GRID2: variants seen among roughly 807,000 people sequenced by gnomAD.
GRID2 encodes the protein glutamate receptor ionotropic, delta-2.
Under a neutral mutation model 114.8 loss-of-function variants are expected in GRID2, and 33 were observed. That is an observed-to-expected ratio of 0.29 (90% CI 0.22 to 0.38). The LOEUF (loss-of-function observed/expected upper bound fraction) is 0.38. Among genes scored for constraint, GRID2 ranks in the 10% least tolerant of loss-of-function variants. The probability of loss-of-function intolerance (pLI) is 1.00; values close to 1 mark genes in which losing one functional copy is unlikely to be tolerated. For synonymous variants in GRID2, 505 were observed against 449.9 expected (o/e 1.12, Z -1.55); for missense variants, 1,184 against 1,257.7 (o/e 0.94, Z 0.89).
chr4:93,305,940 G>A (rs997637921), intron 8 of GRID2, among the ~76,000 whole-genome samples: 3 of 152,000 alleles, frequency 2.0e-5, no homozygotes, highest in Admixed American at 1.3e-4. Context: ...AAATCCTCAC[G>A]CTTCCCCATC....
At chr4:93,355,960 T>A (rs1348840737) in intron 8 of GRID2, among the ~76,000 whole-genome samples, 1 of 152,052 alleles carries the variant, frequency 6.6e-6, no homozygotes, top group Non-Finnish European at 1.5e-5. Flanking sequence ...CCTCATTAAT[T>A]ATTACCCAGA....
At chr4:93,231,639 G>A (rs1192479195) in intron 7 of GRID2, among the ~76,000 whole-genome samples, 1 of 152,120 alleles carries the variant, frequency 6.6e-6, no homozygotes, top group Non-Finnish European at 1.5e-5. Flanking sequence ...CTTTCTAGGG[G>A]CAGCATGAAT....
intron 1 of GRID2, among the ~76,000 whole-genome samples, chr4:92,526,595 C>T (rs1560689594): frequency 1.3e-5 from 2 of 152,066 alleles, no homozygotes; most frequent in South Asian, 4.1e-4. Context: ...CCACTTACCT[C>T]AGCTTCCCAA....
intron 2 of GRID2, among the ~76,000 whole-genome samples, chr4:92,749,515 A>G (rs975873315): frequency 1.3e-5 from 2 of 151,430 alleles, no homozygotes; most frequent in Admixed American, 6.6e-5. Context: ...GGGTTTCACT[A>G]TGTTGGCCAA....
At chr4:93,543,710 T>TAGAGATAGAGAGAGAGAGAGAGAGAG (rs1732888386) in intron 13 of GRID2, among the ~76,000 whole-genome samples, 1 of 133,494 alleles carries the variant, frequency 7.5e-6, no homozygotes, top group African/African-American at 2.9e-5. Flanking sequence ...GAGTGAGAGA[T>TAGAGATAGAGAGAGAGAGAGAGAGAG]AGAGAGAGAG....
chr4:92,710,345 T>C (rs1413003026), intron 2 of GRID2, among the ~76,000 whole-genome samples: 1 of 152,192 alleles, frequency 6.6e-6, no homozygotes, highest in Non-Finnish European at 1.5e-5. Context: ...GAATCTTATT[T>C]TGATTATTTA....
intron 14 of GRID2, among the ~76,000 whole-genome samples, chr4:93,757,103 T>C (rs1732814870): frequency 6.6e-6 from 1 of 152,202 alleles, no homozygotes; most frequent in African/African-American, 2.4e-5. Context: ...GAATGCCCTC[T>C]TGTCATTCAC....
chr4:92,850,339 G>A (rs1232091112), intron 2 of GRID2, among the ~76,000 whole-genome samples: 1 of 151,586 alleles, frequency 6.6e-6, no homozygotes, highest in Non-Finnish European at 1.5e-5. Context: ...ATAAAAATAT[G>A]CATTGTTTCA....
chr4:92,714,328 A>C (rs1287471141), intron 2 of GRID2, among the ~76,000 whole-genome samples: 1 of 152,184 alleles, frequency 6.6e-6, no homozygotes, highest in Non-Finnish European at 1.5e-5. Flanking sequence ...CTGTGTCTTC[A>C]CATGGTACAG....
At chr4:93,336,687 A>G (rs1171561131) in intron 8 of GRID2, among the ~76,000 whole-genome samples, 1 of 152,152 alleles carries the variant, frequency 6.6e-6, no homozygotes. Context: ...ATTTTGCCTC[A>G]TTCTAAATAG....
intron 11 of GRID2, among the ~76,000 whole-genome samples, chr4:93,484,931 T>G (rs1726236625): frequency 1.3e-5 from 2 of 151,894 alleles, no homozygotes; most frequent in Admixed American, 6.6e-5. Context: ...ATTCATCTAG[T>G]GGGTATGTAC....
chr4:93,258,557 G>A (rs1026532974), intron 8 of GRID2, among the ~76,000 whole-genome samples: 1 of 151,614 alleles, frequency 6.6e-6, no homozygotes, highest in Non-Finnish European at 1.5e-5. Flanking sequence ...TTGAAAAAAA[G>A]ACTCAGAGTT....
intron 11 of GRID2, among the ~76,000 whole-genome samples, chr4:93,478,301 C>G (rs1474510660): frequency 6.6e-6 from 1 of 151,992 alleles, no homozygotes; most frequent in Non-Finnish European, 1.5e-5. Context: ...AACCAGCACC[C>G]GTTTAATTTG....
intron 2 of GRID2, among the ~76,000 whole-genome samples, chr4:92,697,702 A>C (rs1272358712): frequency 6.6e-6 from 1 of 152,142 alleles, no homozygotes; most frequent in African/African-American, 2.4e-5. Context: ...AAGGCAAAAA[A>C]ATAGAAAAAA....
At chr4:92,708,657 A>C (rs1340075369) in intron 2 of GRID2, among the ~76,000 whole-genome samples, 1 of 152,068 alleles carries the variant, frequency 6.6e-6, no homozygotes. Context: ...AAAATTTCTG[A>C]TTTTCAGTTG....
chr4:92,491,324 A>C lies in GRID2; in HGVS notation c.89-98807A>C, dbSNP rs1041392231. 2.6e-5 allele frequency among the ~76,000 whole-genome samples: 4 copies of C among 152,226 alleles called. No homozygotes were observed. In the South Asian group the frequency reaches 8.3e-4, roughly 32 times the overall value. On this transcript the variant is annotated intron_variant, in intron 1 of 15. Transcript: ENST00000282020. Reference sequence around the variant, plus strand: ...TAATATCAGCTATGCTTCCAGTTCCACAGTTTCTAAGAGCTCCGGTCCTGT... The same window carrying C: ...TAATATCAGCTATGCTTCCAGTTCCCCAGTTTCTAAGAGCTCCGGTCCTGT...
intron 2 of GRID2, among the ~76,000 whole-genome samples, chr4:92,646,298 G>A (rs1480231127): frequency 7.9e-5 from 12 of 152,112 alleles, no homozygotes; most frequent in African/African-American, 9.7e-5. Flanking sequence ...ATTTTCTCTC[G>A]CTTGTAATAA....
chr4:93,026,900 A>T (rs1172062124), intron 2 of GRID2, among the ~76,000 whole-genome samples: 1 of 152,070 alleles, frequency 6.6e-6, no homozygotes, highest in African/African-American at 2.4e-5. Context: ...ATGGCCTGAA[A>T]AACTGCCCAT....
At chr4:93,314,083 T>A (rs1386772297) in intron 8 of GRID2, among the ~76,000 whole-genome samples, 1 of 151,992 alleles carries the variant, frequency 6.6e-6, no homozygotes, top group Admixed American at 6.6e-5. Flanking sequence ...GGCGGGCGGA[T>A]CACCTGAGGT....
Sources: allele counts gnomAD v4.1 joint callset (sites outside exome capture counted in the v4.1 genomes callset), GRCh38; gene constraint gnomAD v4.1.1; transcripts MANE v1.5; gene names NCBI Gene and HGNC (gene_info 2026-07-23, HGNC 2026-07-21).